VPS13B: variants seen among roughly 807,000 people sequenced by gnomAD.
VPS13B encodes intermembrane lipid transfer protein VPS13B.
In VPS13B, 285 loss-of-function variants were observed where a neutral mutation model predicts 426.4. The observed-to-expected ratio is 0.67, with a 90% CI of 0.61 to 0.74. The LOEUF (loss-of-function observed/expected upper bound fraction) is 0.74. Among genes scored for constraint, VPS13B ranks in the 30% least tolerant of loss-of-function variants. The pLI is 0.00. For missense variants in VPS13B, 4,537 were observed against 4,782.6 expected (o/e 0.95, Z 1.51); for synonymous variants, 1,676 against 1,676.4 (o/e 1.00, Z 0.01).
At chr8:99,084,897 G>A (rs1412851910) in intron 3 of VPS13B, among the ~76,000 whole-genome samples, 1 of 152,196 alleles carries the variant, frequency 6.6e-6, no homozygotes, top group Non-Finnish European at 1.5e-5. Context: ...TTTGGAATAA[G>A]TGCGGCGTGG....
intron 17 of VPS13B, among the ~76,000 whole-genome samples, chr8:99,197,172 AC>A (rs1813988572): frequency 6.6e-6 from 1 of 152,200 alleles, no homozygotes; most frequent in Admixed American, 6.5e-5. Context: ...AAGGATAAAT[AC>A]CACTGTATCA....
chr8:99,070,457 T>C (rs981034699), intron 3 of VPS13B, among the ~76,000 whole-genome samples: 1 of 152,260 alleles, frequency 6.6e-6, no homozygotes, highest in African/African-American at 2.4e-5. Context: ...TTCATACTTA[T>C]TGAAATTAAC....
chr8:99,790,134 G>GTT (rs1038124502), intron 43 of VPS13B, among the ~76,000 whole-genome samples: 1 of 152,068 alleles, frequency 6.6e-6, no homozygotes, highest in Non-Finnish European at 1.5e-5. Context: ...TATTGCAATA[G>GTT]TTTTTCTCAA....
intron 19 of VPS13B, among the ~76,000 whole-genome samples, chr8:99,311,714 C>T (rs1195038586): frequency 6.6e-6 from 1 of 152,104 alleles, no homozygotes; most frequent in Non-Finnish European, 1.5e-5. Flanking sequence ...AGTTCTGGTC[C>T]TGGATATCCT....
At chr8:99,233,225 C>G in intron 17 of VPS13B, 1 of 1,269,666 alleles carries the variant, frequency 7.9e-7, no homozygotes, top group Non-Finnish European at 1.2e-6. Context: ...ACAATGATTT[C>G]TGCACTAGTT....
At chr8:99,758,654 C>G (rs1810760957) in intron 39 of VPS13B, among the ~76,000 whole-genome samples, 1 of 152,126 alleles carries the variant, frequency 6.6e-6, no homozygotes, top group African/African-American at 2.4e-5. Flanking sequence ...TGCTTCACTT[C>G]CTTGTTTTCT....
At chr8:99,842,422 C>A (rs1815743858) in intron 54 of VPS13B, among the ~76,000 whole-genome samples, 1 of 151,108 alleles carries the variant, frequency 6.6e-6, no homozygotes, top group African/African-American at 2.4e-5. Context: ...ATCTGGGCAA[C>A]ATAGCAAGAA....
chr8:99,202,004 G>T (rs1409589592), intron 17 of VPS13B, among the ~76,000 whole-genome samples: 6 of 152,154 alleles, frequency 3.9e-5, no homozygotes, highest in Non-Finnish European at 8.8e-5. Flanking sequence ...ATTATTGTTT[G>T]TGGGCTTAAT....
At chr8:99,255,193 C>T (rs998552023) in intron 17 of VPS13B, among the ~76,000 whole-genome samples, 11 of 152,022 alleles carry the variant, frequency 7.2e-5, no homozygotes, top group Non-Finnish European at 1.6e-4. Flanking sequence ...TTTTTCAGTA[C>T]TGAAATTTGT....
intron 3 of VPS13B, among the ~76,000 whole-genome samples, chr8:99,065,426 A>C (rs1346946925): frequency 6.6e-6 from 1 of 152,230 alleles, no homozygotes; most frequent in Admixed American, 6.5e-5. Context: ...TGATCGTCTC[A>C]ATGGATGCAG....
intron 30 of VPS13B, among the ~76,000 whole-genome samples, chr8:99,547,862 T>A (rs1824074030): frequency 6.6e-6 from 1 of 152,004 alleles, no homozygotes; most frequent in African/African-American, 2.4e-5. Flanking sequence ...TCACCCCCTT[T>A]CCTGATTTGA....
intron 8 of VPS13B, among the ~76,000 whole-genome samples, chr8:99,131,009 T>A (rs1223260486): frequency 3.3e-5 from 5 of 152,228 alleles, no homozygotes; most frequent in South Asian, 4.1e-4. Flanking sequence ...TTGGTTTTTT[T>A]AAAAATGTGA....
At chr8:99,151,656 C>G (rs533675221) in intron 14 of VPS13B, among the ~76,000 whole-genome samples, 1 of 152,128 alleles carries the variant, frequency 6.6e-6, no homozygotes, top group South Asian at 2.1e-4. Flanking sequence ...TCCTCAGCCT[C>G]CTGAGTATCT....
chr8:99,047,672 A>G (rs1843303498), intron 3 of VPS13B, among the ~76,000 whole-genome samples: 1 of 151,452 alleles, frequency 6.6e-6, no homozygotes, highest in Non-Finnish European at 1.5e-5. Flanking sequence ...AGGGCTATGA[A>G]CTTTCTTTCT....
intron 3 of VPS13B, among the ~76,000 whole-genome samples, chr8:99,071,525 A>G (rs1844853212): frequency 6.6e-6 from 1 of 152,178 alleles, no homozygotes; most frequent in South Asian, 2.1e-4. Flanking sequence ...TCAGACCTGA[A>G]GCCAGCATAT....
At chr8:99,183,661 CTTAG>C (rs1447856684) in intron 16 of VPS13B, among the ~76,000 whole-genome samples, 2 of 151,820 alleles carry the variant, frequency 1.3e-5, no homozygotes, top group Non-Finnish European at 2.9e-5. Flanking sequence ...GTTGGAAAAT[CTTAG>C]TAACTAATAT....
intron 3 of VPS13B, among the ~76,000 whole-genome samples, chr8:99,084,285 G>T (rs2132384047): frequency 6.6e-6 from 1 of 152,178 alleles, no homozygotes; most frequent in Admixed American, 6.5e-5. Flanking sequence ...TATTTCTGTG[G>T]GATTGGTGGT....
At chr8:99,504,218 T>C (rs1821381750) in intron 27 of VPS13B, among the ~76,000 whole-genome samples, 1 of 152,210 alleles carries the variant, frequency 6.6e-6, no homozygotes. Flanking sequence ...GTGACACACC[T>C]GTTCTGCTTT....
In VPS13B at chr8:99,442,620, C is replaced by T; in HGVS notation, c.3430C>T (p.Pro1144Ser). The change falls in exon 23 of 62, where the codon CCC (proline) becomes TCC (serine). Residue 1144 changes from proline (P) to serine (S), a missense_variant. Pro to Ser is a moderately conservative substitution (Grantham distance 74). Coordinates refer to ENST00000357162, the MANE Select transcript of VPS13B (RefSeq NM_152564.5). ...LQEIPFVIPR[P>S]ILEEGDAFPW... ...GGAGATTCCATTTGTTATCCCACGA[C>T]CCATCCTTGAAGAAGGTATATGTTA... 1.9e-6 allele frequency: 3 copies of T among 1,613,788 alleles called. No individual in the cohort carries two copies. The highest frequency in any genetic ancestry group is 2.5e-6 in the Non-Finnish European group (3 of 1,179,788).
Sources: allele counts gnomAD v4.1 joint callset (sites outside exome capture counted in the v4.1 genomes callset), GRCh38; gene constraint gnomAD v4.1.1; transcripts MANE v1.5; gene names NCBI Gene and HGNC (gene_info 2026-07-23, HGNC 2026-07-21).